MMS22L: variants seen among roughly 807,000 people sequenced by gnomAD.
MMS22L encodes MMS22 like, DNA repair protein.
In MMS22L, 74 loss-of-function variants were observed where a neutral mutation model predicts 159.1. The observed-to-expected ratio is 0.47, with a 90% CI of 0.39 to 0.56. MMS22L has a LOEUF of 0.56. MMS22L is among the 20% of genes least tolerant of loss of function. The pLI is 0.00. For missense variants in MMS22L, 1,351 were observed against 1,422.1 expected (o/e 0.95, Z 0.80); for synonymous variants, 517 against 506.9 (o/e 1.02, Z -0.27).
intron 24 of MMS22L, 80 bp from the exon 25 acceptor site, chr6:97,146,967 G>T (rs1582336192): frequency 1.0e-6 from 1 of 957,642 alleles, no homozygotes; most frequent in Non-Finnish European, 1.6e-6. Context: ...AATTAAGTCT[G>T]CCCATCATCC....
rs1368695980 is a variant in MMS22L at position 97,148,442 on chromosome 6, G to A, written c.3650+1411C>T. Among the ~76,000 whole-genome samples, 5 of 152,198 alleles carry A rather than the reference G, an allele frequency of 3.3e-5. No individual in the cohort carries two copies. The South Asian group carries it at 8.3e-4, about 25-fold the overall frequency. On this transcript the variant is annotated intron_variant, in intron 24 of 24. Coordinates refer to ENST00000683635, the MANE Select transcript of MMS22L (RefSeq NM_001350599.2). ...TGCAGGAGACGACAGCTCCATGTGCGTTACTGACCCTGAAGACCTTCCAGT... is the reference window on the plus strand; with the variant it reads ...TGCAGGAGACGACAGCTCCATGTGCATTACTGACCCTGAAGACCTTCCAGT...
chr6:97,189,282 G>T (rs1357648099), intron 14 of MMS22L, among the ~76,000 whole-genome samples: 1 of 145,760 alleles, frequency 6.9e-6, no homozygotes, highest in African/African-American at 2.5e-5. Flanking sequence ...AAAAAAAGCC[G>T]AGTGCAGTGG....
At position 97,278,822 on chromosome 6, in the gene MMS22L, T is replaced by C. The variant is rs113097070; in HGVS notation, c.340+27A>G. The C allele has an allele frequency of 1.1e-3, 1,807 of 1,603,450 alleles. 26 individuals are homozygous for C. In the African/African-American group the frequency reaches 0.021, roughly 18 times the overall value. On this transcript the variant is annotated intron_variant, in intron 4 of 24. Coordinates refer to ENST00000683635, the MANE Select transcript of MMS22L (RefSeq NM_001350599.2). ...TCACTATAATGAAGCACCATTCCCT[T>C]TTGCATTAAACACACCTTAAACTTA...
intron 11 of MMS22L, among the ~76,000 whole-genome samples, chr6:97,234,517 T>C (rs1005158070): frequency 6.6e-6 from 1 of 152,184 alleles, no homozygotes; most frequent in Non-Finnish European, 1.5e-5. Context: ...GATATAACCA[T>C]GCATATATTT....
At chr6:97,147,690 T>C (rs1296659678) in intron 24 of MMS22L, among the ~76,000 whole-genome samples, 1 of 152,180 alleles carries the variant, frequency 6.6e-6, no homozygotes, top group Non-Finnish European at 1.5e-5. Flanking sequence ...CAAGCTACAA[T>C]TTGAAGTGAT....
Position 97,263,364 on chromosome 6 carries a change from C to A in MMS22L, c.913G>T (p.Asp305Tyr). Residue 305 changes from aspartate to tyrosine, a missense_variant, in exon 9 of 25, where the codon GAC (aspartate) becomes TAC (tyrosine). Transcript: ENST00000683635. ...ELWVLLIHLL[D>Y]HRSKWFVSES... ...GAGACAAACCATTTACTTCTGTGGT[C>A]TAGAAGATGAATAAGTAGAACCCAT... The A allele has an allele frequency of 6.3e-7, 1 of 1,589,262 alleles. No individual in the cohort carries two copies. Among genetic ancestry groups the A allele is most frequent in the South Asian group, 1.2e-5 (1 of 86,242 alleles).
rs757229556 is a variant in MMS22L at position 97,229,332 on chromosome 6, A to T, written c.1601T>A (p.Leu534His). Residue 534 changes from leucine (L) to histidine (H), a missense_variant, in exon 14 of 25, where the codon CTT becomes CAT. Physicochemically the swap from Leu to His is moderately conservative, Grantham distance 99. Transcript: ENST00000683635. ...TGCAACAGCTGCTAACAGTAGAAAA[A>T]GGCTAAAAAAGTTCTGTAGACCAAC... ...TEVGLQNFFS[L>H]FLLLAAVAEV... The T allele has an allele frequency of 1.2e-6, 2 of 1,612,698 alleles. No individual in the cohort carries two copies. The highest frequency in any genetic ancestry group is 8.5e-7 in the Non-Finnish European group (1 of 1,179,472).
At chr6:97,194,323 T>C (rs2050016) in intron 14 of MMS22L, among the ~76,000 whole-genome samples, 15,309 of 152,186 alleles carry the variant, frequency 0.1, 1,565 homozygotes, top group African/African-American at 0.26. Flanking sequence ...CCCAAAGTGC[T>C]GGGATTCTAG....
intron 15 of MMS22L, among the ~76,000 whole-genome samples, chr6:97,185,717 TC>T (rs1805157815): frequency 1.3e-5 from 2 of 152,160 alleles, no homozygotes; most frequent in South Asian, 4.1e-4. Flanking sequence ...AGCTCAGTTT[TC>T]CTCGTATACA....
chr6:97,225,193 A>G (rs1810090416), intron 14 of MMS22L, among the ~76,000 whole-genome samples: 1 of 152,194 alleles, frequency 6.6e-6, no homozygotes, highest in South Asian at 2.1e-4. Flanking sequence ...GAAAAGTTCC[A>G]GTTAGGAGAT....
In MMS22L at chr6:97,281,074, T is replaced by C. The variant is rs6911002; in HGVS notation, c.290+163A>G. Among the ~76,000 whole-genome samples, 230 of 152,338 alleles carry C rather than the reference T, an allele frequency of 1.5e-3. 1 individual carries two copies. The highest frequency in any genetic ancestry group is 5.1e-3 in the African/African-American group (210 of 41,582). Reference sequence around the variant, plus strand: ...CGCAACTCATTAAAACCATTACTCATCAGGCATTGCTGCTTGATTATTGTT... The same window carrying C: ...CGCAACTCATTAAAACCATTACTCACCAGGCATTGCTGCTTGATTATTGTT... On this transcript the variant is annotated intron_variant, in intron 3 of 24. Transcript: ENST00000683635.
Position 97,154,402 on chromosome 6 carries a change from G to A in MMS22L, c.3386-2535C>T, listed in dbSNP as rs116314559. 9.3e-3 allele frequency among the ~76,000 whole-genome samples: 1,415 copies of A among 152,120 alleles called. 23 individuals are homozygous for A. The highest frequency in any genetic ancestry group is 0.031 in the African/African-American group (1,294 of 41,490). Reference sequence around the variant, plus strand: ...ACAAGTATTTTTTCCCATTTTGTGGGTTGTCTTTTCACTTTCTTAACAGTG... The same window carrying A: ...ACAAGTATTTTTTCCCATTTTGTGGATTGTCTTTTCACTTTCTTAACAGTG... On this transcript the variant is annotated intron_variant, in intron 22 of 24. Transcript: ENST00000683635.
At chr6:97,232,510 T>C (rs910204087) in intron 12 of MMS22L, among the ~76,000 whole-genome samples, 5 of 152,188 alleles carry the variant, frequency 3.3e-5, no homozygotes, top group African/African-American at 1.2e-4. Context: ...ACATATTTAA[T>C]ATGTTTTAAT....
chr6:97,189,419 G>C (rs1489915076), intron 14 of MMS22L, among the ~76,000 whole-genome samples: 1 of 151,108 alleles, frequency 6.6e-6, no homozygotes, highest in Non-Finnish European at 1.5e-5. Flanking sequence ...AAATTAGCCG[G>C]GCGTGGTGAC....
chr6:97,252,082 CAAA>C (rs759073880), intron 10 of MMS22L, among the ~76,000 whole-genome samples: 3 of 114,542 alleles, frequency 2.6e-5, no homozygotes, highest in African/African-American at 3.3e-5. Flanking sequence ...GACTCCATCT[CAAA>C]AAAAAAAAAA....
In MMS22L at chr6:97,254,348, ATCT is replaced by A. The variant is rs146267630; in HGVS notation, c.1119+206_1119+208del. On this transcript the variant is annotated intron_variant, in intron 10 of 24. Transcript: ENST00000683635. ...TAGCAGGGCCAGGACTACATACCAAATCTTCTACAAGTAATTTTTTTTAATTAA... is the reference window on the plus strand; with the variant it reads ...TAGCAGGGCCAGGACTACATACCAAATCTACAAGTAATTTTTTTTAATTAA... 1,171 of 500,126 alleles carry A rather than the reference ATCT, an allele frequency of 2.3e-3. 19 individuals carry two copies. The highest frequency in any genetic ancestry group is 0.021 in the African/African-American group (1,084 of 51,362). The allele number at this position is 500,126 out of a possible 1,614,324, so 31.0% of individuals were successfully genotyped here. A position where few individuals can be genotyped will look rare whatever the true frequency, so the allele number is the denominator to read the frequency against.
chr6:97,219,082 C>G (rs2127972083), intron 14 of MMS22L, among the ~76,000 whole-genome samples: 1 of 152,308 alleles, frequency 6.6e-6, no homozygotes, highest in African/African-American at 2.4e-5. Context: ...CCAATCACCT[C>G]TGTCCATTGA....
chr6:97,193,800 A>G (rs557701380), intron 14 of MMS22L, among the ~76,000 whole-genome samples: 7 of 152,236 alleles, frequency 4.6e-5, no homozygotes, highest in East Asian at 1.9e-4. Flanking sequence ...TCGCTCTGTC[A>G]CCCAGGCTGG....
chr6:97,159,671 G>A (rs1327551176), intron 22 of MMS22L, among the ~76,000 whole-genome samples: 2 of 151,904 alleles, frequency 1.3e-5, no homozygotes, highest in Middle Eastern at 3.2e-3. Context: ...CTGACCTGAT[G>A]CCATAAGTGG....
Sources: gnomAD v4.1 joint callset for allele counts (sites outside exome capture counted in the v4.1 genomes callset) on GRCh38, gnomAD v4.1.1 for gene constraint, MANE v1.5 for transcripts, NCBI Gene and HGNC (gene_info 2026-07-23, HGNC 2026-07-21) for gene names.